Variants in SOS1 observed in about 807,000 individuals in gnomAD.
SOS1 encodes son of sevenless homolog 1.
Under a neutral mutation model 157.6 loss-of-function variants are expected in SOS1, and 25 were observed. That is an observed-to-expected ratio of 0.16 (90% CI 0.12 to 0.22). The LOEUF (loss-of-function observed/expected upper bound fraction) is 0.22. Ranked by LOEUF, SOS1 falls within the 10% of genes least tolerant of loss-of-function variation. The probability of loss-of-function intolerance (pLI) is 1.00; values close to 1 mark genes in which losing one functional copy is unlikely to be tolerated. For missense variants in SOS1, 1,237 were observed against 1,599.1 expected (o/e 0.77, Z 3.86); for synonymous variants, 528 against 534.0 (o/e 0.99, Z 0.16).
intron 6 of SOS1, among the ~76,000 whole-genome samples, chr2:39,038,911 A>G (rs1670455622): frequency 6.6e-6 from 1 of 152,034 alleles, no homozygotes; most frequent in Non-Finnish European, 1.5e-5. Context: ...GTAAAGTGCT[A>G]TCAAACAACA....
At position 39,026,508 on chromosome 2, in the gene SOS1, A is replaced by G. The variant is rs188399526; in HGVS notation, c.1075-2371T>C. On this transcript the variant is annotated intron_variant, in intron 8 of 22. Coordinates refer to ENST00000402219, the MANE Select transcript of SOS1 (RefSeq NM_005633.4). The stretch of plus-strand genomic sequence containing the variant: ...CTTTTATTCATAATATTGTTCTTCA[A>G]TATGGCCAGCTAGATTAAAGAAAGC... Among the ~76,000 whole-genome samples, 87 of 152,362 alleles carry G rather than the reference A, an allele frequency of 5.7e-4. 1 individual carries two copies. Among genetic ancestry groups the G allele is most frequent in the African/African-American group, 2.0e-3 (85 of 41,582 alleles).
chr2:39,013,871 G>C lies in SOS1; in HGVS notation c.2059C>G (p.Leu687Val), dbSNP rs1669541910. ...CTTCATTTATTTAATGCTTACCGCA[G>C]TTGCACAGGCTGTATATATTCTTTT... ...FRKEYIQPVQLRVLNVCRHWV... is the reference protein window; with the variant it reads ...FRKEYIQPVQVRVLNVCRHWV... The change falls in exon 12 of 23, where the codon CTG becomes GTG. Residue 687 changes from leucine (L) to valine (V), a missense_variant. Transcript: ENST00000402219. 1.9e-6 allele frequency: 3 copies of C among 1,610,200 alleles called. No homozygotes were observed. The highest frequency in any genetic ancestry group is 2.5e-6 in the Non-Finnish European group (3 of 1,176,938).
chr2:39,115,151 G>A (rs112492558), intron 1 of SOS1, among the ~76,000 whole-genome samples: 8 of 151,974 alleles, frequency 5.3e-5, no homozygotes, highest in African/African-American at 1.9e-4. Flanking sequence ...ACAATAAACT[G>A]CACATATTTA....
intron 1 of SOS1, among the ~76,000 whole-genome samples, chr2:39,081,694 G>A (rs972047646): frequency 2.6e-5 from 4 of 151,612 alleles, no homozygotes; most frequent in South Asian, 4.2e-4. Context: ...GCTTGGCGGC[G>A]GGCGCCTGTA....
chr2:39,021,484 C>A (rs1572828948), intron 10 of SOS1, among the ~76,000 whole-genome samples: 1 of 127,608 alleles, frequency 7.8e-6, no homozygotes, highest in Non-Finnish European at 1.6e-5. Flanking sequence ...TGACTTGTGA[C>A]AGTAAACACT....
chr2:39,049,903 G>A (rs1375699008), intron 6 of SOS1, among the ~76,000 whole-genome samples: 3 of 152,160 alleles, frequency 2.0e-5, no homozygotes, highest in Non-Finnish European at 4.4e-5. Flanking sequence ...AGGGACTTGA[G>A]CAAGAAATCT....
At chr2:39,100,698 T>G (rs1672935993) in intron 1 of SOS1, among the ~76,000 whole-genome samples, 1 of 152,194 alleles carries the variant, frequency 6.6e-6, no homozygotes, top group South Asian at 2.1e-4. Context: ...GGAGGATTCC[T>G]TGAGACTAAG....
At chr2:39,093,187 T>C (rs529739255) in intron 1 of SOS1, among the ~76,000 whole-genome samples, 1 of 152,322 alleles carries the variant, frequency 6.6e-6, no homozygotes, top group Admixed American at 6.5e-5. Context: ...ATAATGAAGA[T>C]ATACAGGCCA....
At chr2:39,038,207 T>A (rs558019071) in intron 6 of SOS1, among the ~76,000 whole-genome samples, 2 of 152,214 alleles carry the variant, frequency 1.3e-5, no homozygotes, top group Non-Finnish European at 2.9e-5. Flanking sequence ...GAACATTTGT[T>A]ATTTATGGGA....
intron 10 of SOS1, among the ~76,000 whole-genome samples, chr2:39,017,332 G>A (rs1294512374): frequency 2.0e-5 from 3 of 152,034 alleles, no homozygotes; most frequent in Admixed American, 2.0e-4. Context: ...AAATTTACAT[G>A]AATGATTAAC....
Position 39,120,780 on chromosome 2 carries a change from C to G in SOS1, c.-358G>C, listed in dbSNP as rs1274605363. Among the ~76,000 whole-genome samples the G allele has an allele frequency of 5.4e-5, 8 of 149,086 alleles. No homozygotes were observed. Among genetic ancestry groups the G allele is most frequent in the Non-Finnish European group, 1.2e-4 (8 of 67,124 alleles). On this transcript the variant is annotated 5_prime_UTR_variant, in exon 1 of 23. Coordinates refer to ENST00000402219, the MANE Select transcript of SOS1 (RefSeq NM_005633.4). ...CCCGCCGGGGCTGCACTCCCGGGCCCGGTCTGGCCCCGCGGCGGAGCTGGC... is the reference window on the plus strand; with the variant it reads ...CCCGCCGGGGCTGCACTCCCGGGCCGGGTCTGGCCCCGCGGCGGAGCTGGC...
At chr2:39,096,166 C>T (rs1184930744) in intron 1 of SOS1, among the ~76,000 whole-genome samples, 4 of 152,182 alleles carry the variant, frequency 2.6e-5, no homozygotes, top group Admixed American at 1.3e-4. Flanking sequence ...AAGACTTTCT[C>T]CTTAAGCAGA....
chr2:38,982,049 A>G lies in SOS1; in HGVS notation c.*3775T>C, dbSNP rs1402845785. 3 of 152,148 alleles carry G rather than the reference A, an allele frequency of 2.0e-5. No homozygotes were observed. The highest frequency in any genetic ancestry group is 4.4e-5 in the Non-Finnish European group (3 of 68,016). The allele number at this position is 152,148 out of a possible 1,614,324, so 9.4% of individuals were successfully genotyped here. A position where few individuals can be genotyped will look rare whatever the true frequency, so the allele number is the denominator to read the frequency against. On this transcript the variant is annotated 3_prime_UTR_variant, in exon 23 of 23. Coordinates refer to ENST00000402219, the MANE Select transcript of SOS1 (RefSeq NM_005633.4). ...GTGCGCTCTCCCTAAGCCACACCAC[A>G]TGTACCTTCCATCATCTGTTATGCA...
chr2:39,034,895 C>T, intron 8 of SOS1: 1 of 479,708 alleles, frequency 2.1e-6, no homozygotes, highest in Non-Finnish European at 4.1e-6. Context: ...TTCAAAGAAT[C>T]AGCCATGTAA....
chr2:39,087,532 T>C (rs1473771322), intron 1 of SOS1, among the ~76,000 whole-genome samples: 4 of 152,242 alleles, frequency 2.6e-5, no homozygotes, highest in African/African-American at 9.6e-5. Flanking sequence ...ATCAGATCTA[T>C]CTTGGACATC....
chr2:39,098,813 C>T (rs542870382), intron 1 of SOS1, among the ~76,000 whole-genome samples: 4 of 152,184 alleles, frequency 2.6e-5, no homozygotes, highest in Non-Finnish European at 4.4e-5. Flanking sequence ...TGCCTGAACC[C>T]GGAAGGTGGA....
intron 8 of SOS1, 146 bp downstream of exon 8, chr2:39,035,066 C>T (rs1172974618): frequency 1.7e-5 from 11 of 666,266 alleles, no homozygotes; most frequent in Non-Finnish European, 2.7e-5. Flanking sequence ...CTTTTGCAGA[C>T]TGATTTCCAT....
At chr2:38,993,059 G>A (rs1243265139) in intron 20 of SOS1, 1 of 147,390 alleles carries the variant, frequency 6.8e-6, no homozygotes, top group Non-Finnish European at 1.5e-5. Flanking sequence ...AACACAGCGA[G>A]ACCCTATCTC....
intron 1 of SOS1, among the ~76,000 whole-genome samples, chr2:39,081,834 C>T (rs1356446271): frequency 6.6e-6 from 1 of 151,908 alleles, no homozygotes; most frequent in African/African-American, 2.4e-5. Context: ...AAAGAATGTT[C>T]ATAGTTATTA....
Sources: allele counts gnomAD v4.1 joint callset (sites outside exome capture counted in the v4.1 genomes callset), GRCh38; gene constraint gnomAD v4.1.1; transcripts MANE v1.5; gene names NCBI Gene and HGNC (gene_info 2026-07-23, HGNC 2026-07-21).